RBMS2: variants seen among roughly 807,000 people sequenced by gnomAD.
The protein encoded by RBMS2 is RNA binding motif single stranded interacting protein 2.
RBMS2 carries 38 observed loss-of-function variants against 58.4 expected under a neutral mutation model. The observed-to-expected ratio is 0.65, with a 90% CI of 0.50 to 0.85. RBMS2 has a LOEUF of 0.85. Ranked by LOEUF, RBMS2 falls within the 40% of genes least tolerant of loss-of-function variation. The pLI, the probability that RBMS2 is intolerant of heterozygous loss-of-function variation, is 0.00. For synonymous variants in RBMS2, 151 were observed against 180.7 expected (o/e 0.84, Z 1.32); for missense variants, 367 against 503.7 (o/e 0.73, Z 2.60).
Position 56,577,080 on chromosome 12 carries a change from C to T in RBMS2, c.543-4104C>T, listed in dbSNP as rs140075983. ...AGTTATCTTTACAATGATGAGCTCA[C>T]AATTGCCCAGACAACATAAATATAT... On this transcript the variant is annotated intron_variant, in intron 5 of 13. Transcript: ENST00000262031. 3.9e-3 allele frequency among the ~76,000 whole-genome samples: 569 copies of T among 145,158 alleles called. 3 individuals are homozygous for T. Among genetic ancestry groups the T allele is most frequent in the African/African-American group, 0.013 (522 of 39,314 alleles).
rs1397299949 is a variant in RBMS2 at position 56,592,434 on chromosome 12, C to T, written c.*3301C>T. 1.3e-5 allele frequency: 2 copies of T among 152,222 alleles called. No homozygotes were observed. Among genetic ancestry groups the T allele is most frequent in the African/African-American group, 2.4e-5 (1 of 41,418 alleles). 9.4% of individuals were successfully genotyped at this position (152,222 alleles called of 1,614,324 possible). The stretch of plus-strand genomic sequence containing the variant: ...TCTGAGATGATACTCAGACCCTAAA[C>T]TGATTGGACTTTTTGGAGGAGGGTG... On this transcript the variant is annotated 3_prime_UTR_variant, in exon 14 of 14. Transcript: ENST00000262031.
chr12:56,558,769 CA>C (rs1255149366), intron 1 of RBMS2, among the ~76,000 whole-genome samples: 10 of 67,274 alleles, frequency 1.5e-4, no homozygotes, highest in African/African-American at 2.8e-4. Flanking sequence ...CTAATTTTTG[CA>C]TTTTTTTTTT....
chr12:56,531,315 C>G (rs1229519866), intron 1 of RBMS2, among the ~76,000 whole-genome samples: 1 of 151,974 alleles, frequency 6.6e-6, no homozygotes, highest in Non-Finnish European at 1.5e-5. Flanking sequence ...TAAGCTATCA[C>G]ATTTAGTGCC....
At chr12:56,532,056 TA>T (rs1405613423) in intron 1 of RBMS2, among the ~76,000 whole-genome samples, 1 of 146,474 alleles carries the variant, frequency 6.8e-6, no homozygotes, top group Non-Finnish European at 1.5e-5. Context: ...CTGTCTCTAT[TA>T]AAAAATATAA....
Position 56,522,073 on chromosome 12 carries a change from A to G in RBMS2, c.50A>G (p.Asn17Ser), listed in dbSNP as rs1456148151. The G allele has an allele frequency of 1.3e-6, 2 of 1,599,500 alleles. No individual in the cohort carries two copies. Among genetic ancestry groups the G allele is most frequent in the East Asian group, 2.2e-5 (1 of 44,630 alleles). ...SRPGISTFGY[N>S]RNNKKPYVSL... Reference sequence around the variant, plus strand: ...CCCGGGATTTCGACTTTTGGCTACAATAGAAACAACAAGAAGGTAGGGAAA... The same window carrying G: ...CCCGGGATTTCGACTTTTGGCTACAGTAGAAACAACAAGAAGGTAGGGAAA... The change falls in exon 1 of 14, where the codon AAT (asparagine) becomes AGT (serine). Residue 17 changes from asparagine (N) to serine (S), a missense_variant. Physicochemically the swap from Asn to Ser is conservative, Grantham distance 46. Coordinates refer to ENST00000262031, the MANE Select transcript of RBMS2 (RefSeq NM_002898.4).
intron 12 of RBMS2, 121 bp downstream of exon 12, chr12:56,588,495 T>C: frequency 2.1e-6 from 2 of 945,022 alleles, no homozygotes; most frequent in South Asian, 1.4e-5. Flanking sequence ...AGCTGGTAGG[T>C]ATACGAAGAA....
At position 56,577,022 on chromosome 12, in the gene RBMS2, C is replaced by CA. The variant is rs1375245548; in HGVS notation, c.543-4161dup. Among the ~76,000 whole-genome samples, 5 of 116,578 alleles carry CA rather than the reference C, an allele frequency of 4.3e-5. No homozygotes were observed. In the East Asian group the frequency reaches 7.3e-4, roughly 17 times the overall value. 76.5% of individuals were successfully genotyped at this position (116,578 alleles called of 152,430 possible). A position where few individuals can be genotyped will look rare whatever the true frequency, so the allele number is the denominator to read the frequency against. On this transcript the variant is annotated intron_variant, in intron 5 of 13. Transcript: ENST00000262031. ...CACCACTGCACTCCAGCCTGGATGA[C>CA]AGAGTGAGATTCCAAAAAAAAAAAA...
At chr12:56,582,859 G>A (rs185220205) in intron 9 of RBMS2, among the ~76,000 whole-genome samples, 2 of 151,886 alleles carry the variant, frequency 1.3e-5, no homozygotes, top group Admixed American at 1.3e-4. Flanking sequence ...TAGTAGAGAC[G>A]GGGTTTCACC....
At chr12:56,588,433 C>G in intron 12 of RBMS2, 59 bp downstream of exon 12, 1 of 1,450,048 alleles carries the variant, frequency 6.9e-7, no homozygotes, top group Non-Finnish European at 9.7e-7. Flanking sequence ...GGCAGGTTTC[C>G]CCCTGATCAA....
Position 56,562,980 on chromosome 12 carries a change from G to A in RBMS2, c.233+397G>A, listed in dbSNP as rs143117140. Reference sequence around the variant, plus strand: ...TACTAAAAATACAAAAGAATTAGCCGGGCATGGTGGCGGGTGCCTGTAGTC... The same window carrying A: ...TACTAAAAATACAAAAGAATTAGCCAGGCATGGTGGCGGGTGCCTGTAGTC... On this transcript the variant is annotated intron_variant, in intron 2 of 13. Coordinates refer to ENST00000262031, the MANE Select transcript of RBMS2 (RefSeq NM_002898.4). 2.3e-4 allele frequency among the ~76,000 whole-genome samples: 35 copies of A among 152,170 alleles called. No individual in the cohort carries two copies. In the East Asian group the frequency reaches 3.7e-3, roughly 16 times the overall value.
chr12:56,546,400 A>G (rs971298628), intron 1 of RBMS2, among the ~76,000 whole-genome samples: 4 of 146,362 alleles, frequency 2.7e-5, no homozygotes, highest in African/African-American at 1.0e-4. Context: ...AATGTATAAT[A>G]TATTGTACAT....
At position 56,581,866 on chromosome 12, in the gene RBMS2, G is replaced by C. The variant is rs1427091434; in HGVS notation, c.766G>C (p.Ala256Pro). Residue 256 changes from alanine (A) to proline (P), a missense_variant, in exon 8 of 14, where the codon GCT becomes CCT. By Grantham distance (27) the Ala-to-Pro change is conservative (BLOSUM62 -1). This residue lies in a region of RBMS2 where 220 missense variants were observed against 261.1 expected (regional missense o/e 0.84). Transcript: ENST00000262031. Reference protein sequence around the residue: ...VMALTYDPTTALQNGFYPAPY... With the variant: ...VMALTYDPTTPLQNGFYPAPY... ...GGCCTTGACCTATGACCCCACCACA[G>C]CTCTTCAGAATGGGTAAGGTTTTAT... 6.2e-7 allele frequency: 1 copy of C among 1,614,132 alleles called. No homozygotes were observed. The highest frequency in any genetic ancestry group is 1.7e-5 in the Admixed American group (1 of 60,010).
intron 1 of RBMS2, among the ~76,000 whole-genome samples, chr12:56,522,604 C>A (rs895642252): frequency 2.6e-5 from 4 of 152,144 alleles, no homozygotes; most frequent in African/African-American, 9.7e-5. Flanking sequence ...GACTACAGAT[C>A]CTACCCCACC....
intron 1 of RBMS2, among the ~76,000 whole-genome samples, chr12:56,532,479 T>A (rs1325698145): frequency 1.3e-5 from 2 of 151,574 alleles, no homozygotes; most frequent in Non-Finnish European, 1.5e-5. Context: ...GAGATGGAGG[T>A]TGCAGTGAGC....
intron 1 of RBMS2, among the ~76,000 whole-genome samples, chr12:56,561,286 T>C (rs1880341203): frequency 6.6e-6 from 1 of 152,180 alleles, no homozygotes; most frequent in African/African-American, 2.4e-5. Flanking sequence ...TACACAGCAA[T>C]GGGATTGCTG....
intron 4 of RBMS2, 125 bp downstream of exon 4, chr12:56,570,115 T>C: frequency 2.5e-6 from 2 of 807,382 alleles, no homozygotes; most frequent in Non-Finnish European, 4.0e-6. Flanking sequence ...TCCGTGGTGC[T>C]TTCTAGACAG....
chr12:56,540,993 C>T (rs554869267), intron 1 of RBMS2, among the ~76,000 whole-genome samples: 2 of 150,632 alleles, frequency 1.3e-5, no homozygotes, highest in African/African-American at 2.4e-5. Flanking sequence ...CGCAGCTACT[C>T]GGGAGGCTGA....
intron 1 of RBMS2, among the ~76,000 whole-genome samples, chr12:56,529,054 G>C (rs812282): frequency 0.95 from 144,520 of 152,190 alleles, 69,051 homozygotes; most frequent in East Asian, 1. Flanking sequence ...AAAGGTTAAG[G>C]AAAGACCCAG....
intron 5 of RBMS2, among the ~76,000 whole-genome samples, chr12:56,578,368 A>G (rs956192926): frequency 6.6e-6 from 1 of 151,920 alleles, no homozygotes; most frequent in Non-Finnish European, 1.5e-5. Flanking sequence ...GCCTCAAGTG[A>G]TCCACCCAAC....
Sources: gnomAD v4.1 joint callset for allele counts (sites outside exome capture counted in the v4.1 genomes callset) on GRCh38, gnomAD v4.1.1 for gene constraint, gnomAD v4.1.1 regional missense constraint, MANE v1.5 for transcripts, NCBI Gene and HGNC (gene_info 2026-07-23, HGNC 2026-07-21) for gene names.